CNTN5: variants seen among roughly 807,000 people sequenced by gnomAD.
The protein encoded by CNTN5 is contactin-5.
CNTN5 carries 77 observed loss-of-function variants against 129.1 expected under a neutral mutation model. The observed-to-expected ratio is 0.60, with a 90% CI of 0.50 to 0.72. CNTN5 has a LOEUF of 0.72. Ranked by LOEUF, CNTN5 falls within the 30% of genes least tolerant of loss-of-function variation. CNTN5 has a pLI of 0.00. For missense variants in CNTN5, 1,478 were observed against 1,328.8 expected (o/e 1.11, Z -1.75); for synonymous variants, 509 against 465.6 (o/e 1.09, Z -1.20).
intron 20 of CNTN5, among the ~76,000 whole-genome samples, chr11:100,307,187 C>G (rs183170468): frequency 2.6e-5 from 4 of 151,532 alleles, no homozygotes; most frequent in African/African-American, 9.7e-5. Context: ...ATGTTCGCCT[C>G]TTAACATTTT....
intron 3 of CNTN5, among the ~76,000 whole-genome samples, chr11:99,746,875 C>G (rs1363198670): frequency 6.6e-6 from 1 of 152,060 alleles, no homozygotes; most frequent in Non-Finnish European, 1.5e-5. Context: ...TAGCTTTGTT[C>G]TTTTACTTAA....
chr11:100,349,194 G>C (rs1952350506), intron 23 of CNTN5, among the ~76,000 whole-genome samples: 1 of 151,870 alleles, frequency 6.6e-6, no homozygotes. Context: ...AGAATTCAGA[G>C]GGTTCAAGTA....
At chr11:99,686,254 C>A (rs1953787112) in intron 3 of CNTN5, among the ~76,000 whole-genome samples, 1 of 152,008 alleles carries the variant, frequency 6.6e-6, no homozygotes, top group African/African-American at 2.4e-5. Context: ...GTCTCTAATG[C>A]TTATTTAGAG....
chr11:99,626,764 A>G (rs891465567), intron 3 of CNTN5, among the ~76,000 whole-genome samples: 2 of 152,170 alleles, frequency 1.3e-5, no homozygotes, highest in African/African-American at 4.8e-5. Flanking sequence ...AGTAGTTAGA[A>G]GAGAAAACTT....
intron 1 of CNTN5, among the ~76,000 whole-genome samples, chr11:99,183,477 T>C (rs1351149837): frequency 6.6e-6 from 1 of 152,116 alleles, no homozygotes; most frequent in Non-Finnish European, 1.5e-5. Flanking sequence ...CCATGGTACA[T>C]TGGTCACCAT....
chr11:99,561,846 A>G (rs1948853981), intron 3 of CNTN5, among the ~76,000 whole-genome samples: 1 of 152,172 alleles, frequency 6.6e-6, no homozygotes, highest in Admixed American at 6.5e-5. Context: ...CATAAGAGAA[A>G]AAGAGCATTA....
intron 3 of CNTN5, among the ~76,000 whole-genome samples, chr11:99,776,891 T>C (rs1945143172): frequency 6.6e-6 from 1 of 151,920 alleles, no homozygotes; most frequent in Non-Finnish European, 1.5e-5. Context: ...ACTGGTAAAG[T>C]TCAGGACCAG....
rs11388029 is a variant in CNTN5, at chr11:100,115,115, TAAAAAAA to T, written c.1580+40839_1580+40845del. Among the ~76,000 whole-genome samples, 13 of 78,390 alleles carry T rather than the reference TAAAAAAA, an allele frequency of 1.7e-4. No homozygotes were observed. In the South Asian group the frequency reaches 4.7e-3, roughly 29 times the overall value. The allele number at this position is 78,390 out of a possible 152,430, so 51.4% of individuals were successfully genotyped here. A position where few individuals can be genotyped will look rare whatever the true frequency, so the allele number is the denominator to read the frequency against. ...TTTCTAGACTGCTATAGGTATACAG[TAAAAAAA>T]AAAAAAAAAAAAAAAAAGAAAGAAA... On this transcript the variant is annotated intron_variant, in intron 13 of 24. Transcript: ENST00000524871.
chr11:100,238,154 G>C (rs78655128), intron 16 of CNTN5, among the ~76,000 whole-genome samples: 1 of 152,158 alleles, frequency 6.6e-6, no homozygotes, highest in South Asian at 2.1e-4. Context: ...TAGAATCAAG[G>C]TCTTTGGATT....
intron 1 of CNTN5, among the ~76,000 whole-genome samples, chr11:99,070,625 ATTATAT>A (rs1361184520): frequency 1.3e-5 from 2 of 152,204 alleles, no homozygotes; most frequent in East Asian, 1.9e-4. Context: ...AAAAACAAGT[ATTATAT>A]TTATATGATC....
intron 3 of CNTN5, among the ~76,000 whole-genome samples, chr11:99,688,976 A>G (rs1015348590): frequency 6.6e-6 from 1 of 152,102 alleles, no homozygotes; most frequent in Admixed American, 6.5e-5. Flanking sequence ...CATGGTATAT[A>G]TGTACCATAT....
chr11:99,382,853 T>G (rs1465666815), intron 2 of CNTN5, among the ~76,000 whole-genome samples: 6 of 84,404 alleles, frequency 7.1e-5, no homozygotes, highest in Non-Finnish European at 9.9e-5. Context: ...AACTTTTTTT[T>G]TTTTTTTTTT....
intron 1 of CNTN5, among the ~76,000 whole-genome samples, chr11:99,218,630 A>G (rs935161346): frequency 8.5e-5 from 13 of 152,064 alleles, no homozygotes; most frequent in Non-Finnish European, 1.5e-4. Flanking sequence ...ACTCACCATT[A>G]TGTATTTGGG....
At chr11:99,925,008 G>A (rs1474637162) in intron 7 of CNTN5, among the ~76,000 whole-genome samples, 1 of 152,120 alleles carries the variant, frequency 6.6e-6, no homozygotes, top group African/African-American at 2.4e-5. Flanking sequence ...TATATCTATA[G>A]GTAGCTCAGA....
chr11:99,315,891 A>C (rs1390743344), intron 1 of CNTN5, among the ~76,000 whole-genome samples: 1 of 149,842 alleles, frequency 6.7e-6, no homozygotes, highest in Non-Finnish European at 1.5e-5. Flanking sequence ...TGATAGAAAG[A>C]AGAGACAATA....
chr11:99,821,751 G>A lies in CNTN5; in HGVS notation c.277+1986G>A, dbSNP rs1946808296. Among the ~76,000 whole-genome samples the A allele has an allele frequency of 3.9e-5, 6 of 152,230 alleles. No individual in the cohort carries two copies. In the South Asian group the frequency reaches 1.0e-3, roughly 26 times the overall value. On this transcript the variant is annotated intron_variant, in intron 4 of 24. Transcript: ENST00000524871. ...AAAATAAGACCCCCCTTCAAAGATTGAGGTAGGGCAAGAGAATACCACTTA... is the reference window on the plus strand; with the variant it reads ...AAAATAAGACCCCCCTTCAAAGATTAAGGTAGGGCAAGAGAATACCACTTA...
chr11:99,355,861 C>A (rs1201013947), intron 2 of CNTN5, among the ~76,000 whole-genome samples: 1 of 144,606 alleles, frequency 6.9e-6, no homozygotes, highest in Non-Finnish European at 1.5e-5. Flanking sequence ...GAATCTCGCT[C>A]TTTCGCCCAG....
chr11:100,282,106 T>C (rs1950653664), intron 18 of CNTN5, among the ~76,000 whole-genome samples: 1 of 152,068 alleles, frequency 6.6e-6, no homozygotes, highest in Non-Finnish European at 1.5e-5. Flanking sequence ...CATATTTGGT[T>C]CATTTGCTGA....
chr11:99,871,982 A>T (rs1230535938), intron 6 of CNTN5, among the ~76,000 whole-genome samples: 1 of 151,780 alleles, frequency 6.6e-6, no homozygotes. Context: ...TATTAAAGAA[A>T]AACATAGCCC....
Sources: gnomAD v4.1 joint callset for allele counts (sites outside exome capture counted in the v4.1 genomes callset) on GRCh38, gnomAD v4.1.1 for gene constraint, MANE v1.5 for transcripts, NCBI Gene and HGNC (gene_info 2026-07-23, HGNC 2026-07-21) for gene names.